The following ARHGEF4 variants were observed in gnomAD, a reference collection of about 807,000 sequenced individuals.
ARHGEF4 encodes the protein Rho guanine nucleotide exchange factor 4, also known as APC-stimulated guanine nucleotide exchange factor 1.
Under a neutral mutation model 162.0 loss-of-function variants are expected in ARHGEF4, and 119 were observed. The ratio of observed to expected loss-of-function variants is 0.73; its 90% CI spans 0.63 to 0.86. ARHGEF4 has a LOEUF of 0.86. Ranked by LOEUF, ARHGEF4 falls within the 40% of genes least tolerant of loss-of-function variation. ARHGEF4 has a pLI of 0.00. For synonymous variants in ARHGEF4, 1,014 were observed against 979.9 expected, an observed-to-expected ratio of 1.03 and a Z score of -0.65; for missense variants, 2,488 against 2,456.0, an observed-to-expected ratio of 1.01 and a Z score of -0.28.
At chr2:130,970,605 A>G (rs994942522) in intron 4 of ARHGEF4, among the ~76,000 whole-genome samples, 73 of 149,404 alleles carry the variant, frequency 4.9e-4, no homozygotes, top group South Asian at 8.6e-4. Context: ...AAAAAAAAAA[A>G]AAAGAAAAGC....
At chr2:130,870,882 G>A (rs1239558561) in intron 1 of ARHGEF4, among the ~76,000 whole-genome samples, 1 of 152,150 alleles carries the variant, frequency 6.6e-6, no homozygotes, top group African/African-American at 2.4e-5. Context: ...AGGGTAGGGT[G>A]GGGCAGGTGT....
rs77568964 is a variant in ARHGEF4 at position 130,849,584 on chromosome 2, T to C, written c.39+12592T>C. Among the ~76,000 whole-genome samples the C allele has an allele frequency of 2.6e-4, 40 of 151,730 alleles. 1 individual carries two copies. Among genetic ancestry groups the C allele is most frequent in the South Asian group, 2.5e-3 (12 of 4,776 alleles). On this transcript the variant is annotated intron_variant, in intron 1 of 13. Coordinates refer to ENST00000409359, the MANE Select transcript of ARHGEF4 (RefSeq NM_001367493.1). ...TCTAGGATACTTTTTTTTTTTTTTTTCTGAGACGGAGTCTTGCTCTGTCAC... is the reference window on the plus strand; with the variant it reads ...TCTAGGATACTTTTTTTTTTTTTTTCCTGAGACGGAGTCTTGCTCTGTCAC...
chr2:131,032,403 G>A (rs947742948), intron 5 of ARHGEF4, among the ~76,000 whole-genome samples: 2 of 151,966 alleles, frequency 1.3e-5, no homozygotes, highest in Non-Finnish European at 2.9e-5. Context: ...CCGTGCCGCT[G>A]GACATCCCTC....
At chr2:130,891,590 A>C (rs1057504195) in intron 1 of ARHGEF4, among the ~76,000 whole-genome samples, 2 of 152,192 alleles carry the variant, frequency 1.3e-5, no homozygotes, top group Non-Finnish European at 2.9e-5. Context: ...TGGAAATCCA[A>C]GATCTGCCGG....
intron 1 of ARHGEF4, among the ~76,000 whole-genome samples, chr2:130,872,164 C>G (rs955391571): frequency 1.4e-4 from 21 of 152,320 alleles, no homozygotes; most frequent in African/African-American, 5.1e-4. Flanking sequence ...AAGCCTATTT[C>G]TAGCAGTTGG....
chr2:130,896,110 A>T (rs1680142913), intron 1 of ARHGEF4, among the ~76,000 whole-genome samples: 1 of 152,068 alleles, frequency 6.6e-6, no homozygotes, highest in Non-Finnish European at 1.5e-5. Context: ...TATTTGTTGA[A>T]AAGACTATTA....
Position 130,915,068 on chromosome 2 carries a change from A to C in ARHGEF4, c.1122A>C (p.Arg374Ser), listed in dbSNP as rs924092029. ...KEGAKNERDP[R>S]IQNIPSPAPT... is the part of the protein sequence containing the mutation. Reference sequence around the variant, plus strand: ...GGGCCAAAAATGAACGAGATCCAAGAATACAAAACATCCCTTCCCCTGCAC... The same window carrying C: ...GGGCCAAAAATGAACGAGATCCAAGCATACAAAACATCCCTTCCCCTGCAC... Residue 374 changes from arginine to serine, a missense_variant, in exon 2 of 14, where the codon AGA (arginine) becomes AGC (serine). Physicochemically the swap from Arg to Ser is moderately radical, Grantham distance 110 (BLOSUM62 -1). This residue lies in a region of ARHGEF4 where 1,642 missense variants were observed against 1,481.5 expected (regional missense o/e 1.11). Transcript: ENST00000409359. 14 of 1,550,592 alleles carry C rather than the reference A, an allele frequency of 9.0e-6. No individual in the cohort carries two copies. In the African/African-American group the frequency reaches 1.9e-4, roughly 21 times the overall value.
chr2:130,963,067 GCACA>G (rs1684728990), intron 4 of ARHGEF4, among the ~76,000 whole-genome samples: 2 of 152,080 alleles, frequency 1.3e-5, no homozygotes, highest in Admixed American at 1.3e-4. Flanking sequence ...CCCCTACCTC[GCACA>G]CACACTCCGA....
At chr2:130,894,803 C>A (rs1680061394) in intron 1 of ARHGEF4, among the ~76,000 whole-genome samples, 1 of 152,070 alleles carries the variant, frequency 6.6e-6, no homozygotes, top group Non-Finnish European at 1.5e-5. Flanking sequence ...CAGTCCCCAT[C>A]CTCTAGGCAG....
At chr2:130,979,950 C>CT (rs1027179011) in intron 4 of ARHGEF4, among the ~76,000 whole-genome samples, 4 of 152,262 alleles carry the variant, frequency 2.6e-5, no homozygotes, top group Admixed American at 2.6e-4. Flanking sequence ...ATCATTCTCT[C>CT]TAACATGTTA....
In ARHGEF4 at chr2:131,043,800, T is replaced by G. The variant is rs926210907; in HGVS notation, c.5157+217T>G. 6.7e-6 allele frequency: 4 copies of G among 596,146 alleles called. No homozygotes were observed. The African/African-American group carries it at 7.5e-5, about 11-fold the overall frequency. 36.9% of individuals were successfully genotyped at this position (596,146 alleles called of 1,614,324 possible). ...CACAGTCTGACCAGGCCGGGTGCTG[T>G]TGAGAGCATGATCTTTCCTGACCTG... is the stretch of plus-strand genomic sequence containing the variant. On this transcript the variant is annotated intron_variant, in intron 11 of 13. Coordinates refer to ENST00000409359, the MANE Select transcript of ARHGEF4 (RefSeq NM_001367493.1).
intron 1 of ARHGEF4, among the ~76,000 whole-genome samples, chr2:130,867,967 C>T (rs1324710562): frequency 1.4e-5 from 2 of 147,958 alleles, no homozygotes; most frequent in Admixed American, 1.3e-4. Flanking sequence ...ACAGAGTCAC[C>T]CAGGCTGGAG....
chr2:130,929,693 C>G (rs1682504773), intron 2 of ARHGEF4: 1 of 164,094 alleles, frequency 6.1e-6, no homozygotes, highest in South Asian at 1.7e-4. Context: ...AGTAAGCATA[C>G]CCACTTTTCT....
intron 4 of ARHGEF4, among the ~76,000 whole-genome samples, chr2:131,009,318 T>C (rs77725886): frequency 0.019 from 2,904 of 152,340 alleles, 80 homozygotes; most frequent in African/African-American, 0.064. Flanking sequence ...CTGTCTTTCA[T>C]TACAGTCAAC....
At chr2:131,043,938 G>A (rs747495844) in intron 11 of ARHGEF4, among the ~76,000 whole-genome samples, 2 of 152,230 alleles carry the variant, frequency 1.3e-5, no homozygotes, top group East Asian at 1.9e-4. Flanking sequence ...CTACGCTGCC[G>A]GCTTCTGCTC....
At chr2:131,036,275 CACAA>C (rs1330846037) in intron 5 of ARHGEF4, among the ~76,000 whole-genome samples, 4 of 152,250 alleles carry the variant, frequency 2.6e-5, no homozygotes, top group African/African-American at 7.2e-5. Flanking sequence ...TTGGTGACAA[CACAA>C]ACAGTTCACA....
At chr2:130,837,087 G>C in intron 1 of ARHGEF4, 95 bp downstream of exon 1, 1 of 1,136,448 alleles carries the variant, frequency 8.8e-7, no homozygotes. Context: ...GCCCCGGGCC[G>C]TCCCCTGGGC....
Position 131,046,209 on chromosome 2 carries a change from C to A in ARHGEF4, c.*20C>A. On this transcript the variant is annotated 3_prime_UTR_variant, in exon 14 of 14. Transcript: ENST00000409359. ...AAGTGAACTGGTCCCTGCCTGACAG[C>A]ACCTGCTGGGCCTTCCTGCCAGTGG... 6.3e-7 allele frequency: 1 copy of A among 1,599,138 alleles called. No homozygotes were observed. Among genetic ancestry groups the A allele is most frequent in the Non-Finnish European group, 8.5e-7 (1 of 1,170,686 alleles).
In ARHGEF4 at chr2:131,041,394, G is replaced by T; in HGVS notation, c.4827G>T (p.Pro1609=). 1.2e-6 allele frequency: 2 copies of T among 1,613,376 alleles called. No individual in the cohort carries two copies. The highest frequency in any genetic ancestry group is 2.2e-5 in the East Asian group (1 of 44,878). The change falls in exon 9 of 14, where the codon CCG becomes CCT. Residue 1609 remains proline (P), a synonymous_variant. Coordinates refer to ENST00000409359, the MANE Select transcript of ARHGEF4 (RefSeq NM_001367493.1). The stretch of plus-strand genomic sequence containing the variant: ...CCCTGGATGGCTTCCTGCTGACTCC[G>T]GTGCAGAAGATCTGCAAGTACCCTC... The part of the protein sequence containing the change: ...DISLDGFLLT[P]VQKICKYPLQ...
Sources: allele counts gnomAD v4.1 joint callset (sites outside exome capture counted in the v4.1 genomes callset), GRCh38; gene constraint gnomAD v4.1.1; regional missense constraint gnomAD v4.1.1; transcripts MANE v1.5; gene names NCBI Gene and HGNC (gene_info 2026-07-23, HGNC 2026-07-21).